Variants in NRG3 observed in about 807,000 individuals in gnomAD.
The protein encoded by NRG3 is pro-neuregulin-3, membrane-bound isoform.
In NRG3, 31 loss-of-function variants were observed where a neutral mutation model predicts 66.9. The observed-to-expected ratio is 0.46, with a 90% CI of 0.35 to 0.63. NRG3 has a LOEUF of 0.63. NRG3 is among the 20% of genes least tolerant of loss of function. The probability of loss-of-function intolerance (pLI) is 0.00; values close to 1 mark genes in which losing one functional copy is unlikely to be tolerated. For synonymous variants in NRG3, 393 were observed against 359.4 expected, an observed-to-expected ratio of 1.09 and a Z score of -1.06; for missense variants, 910 against 878.9, an observed-to-expected ratio of 1.04 and a Z score of -0.45.
At chr10:82,566,577 TA>T (rs2045418986) in intron 2 of NRG3, among the ~76,000 whole-genome samples, 1 of 151,888 alleles carries the variant, frequency 6.6e-6, no homozygotes, top group South Asian at 2.1e-4. Context: ...ATTAATAAAT[TA>T]CCCATTGGGA....
rs747138826 is a variant in NRG3, at chr10:82,299,454, CA to C, written c.824-59283del. ...GAAATCTGGCCAGCAGGCTGTGTTG[CA>C]ACCACTATCCATGAGCACAAAATCC... On this transcript the variant is annotated intron_variant, in intron 1 of 8. Transcript: ENST00000372141. 1.9e-4 allele frequency among the ~76,000 whole-genome samples: 29 copies of C among 152,078 alleles called. 1 individual carries two copies. The East Asian group carries it at 2.5e-3, about 13-fold the overall frequency.
At chr10:82,496,407 A>C (rs1378292940) in intron 2 of NRG3, among the ~76,000 whole-genome samples, 2 of 152,162 alleles carry the variant, frequency 1.3e-5, no homozygotes, top group East Asian at 1.9e-4. Flanking sequence ...GCTTTTCTTT[A>C]TGTACAGTAT....
intron 1 of NRG3, among the ~76,000 whole-genome samples, chr10:82,026,823 C>T (rs1012654377): frequency 9.2e-5 from 14 of 151,890 alleles, no homozygotes; most frequent in African/African-American, 2.4e-4. Flanking sequence ...AGGTTTATTA[C>T]AGAAAACTAG....
rs139764886 is a variant in NRG3 at position 82,038,326 on chromosome 10, G to C, written c.823+162163G>C. On this transcript the variant is annotated intron_variant, in intron 1 of 8. Transcript: ENST00000372141. ...GGATCACATGTTAATAGTACCAACT[G>C]TCCTGAGCCCTTTCCAAACACCAGG... 1.3e-3 allele frequency among the ~76,000 whole-genome samples: 193 copies of C among 152,220 alleles called. 3 individuals are homozygous for C. The highest frequency in any genetic ancestry group is 1.5e-3 in the Non-Finnish European group (104 of 68,008).
chr10:81,953,429 A>G (rs2133211109), intron 1 of NRG3, among the ~76,000 whole-genome samples: 1 of 152,278 alleles, frequency 6.6e-6, no homozygotes, highest in Middle Eastern at 3.4e-3. Flanking sequence ...TCTTTCCTGT[A>G]ATTACTGTGT....
intron 1 of NRG3, among the ~76,000 whole-genome samples, chr10:82,248,755 A>T (rs2077357639): frequency 6.6e-6 from 1 of 152,192 alleles, no homozygotes; most frequent in Non-Finnish European, 1.5e-5. Flanking sequence ...TGCTTCCAGT[A>T]CATTCTGTAC....
intron 2 of NRG3, among the ~76,000 whole-genome samples, chr10:82,732,152 A>C (rs1295350803): frequency 6.6e-6 from 1 of 152,204 alleles, no homozygotes; most frequent in African/African-American, 2.4e-5. Context: ...GTCATAAAAA[A>C]AGAAATGTCA....
intron 3 of NRG3, among the ~76,000 whole-genome samples, chr10:82,833,606 A>C (rs1389308321): frequency 6.6e-6 from 1 of 152,162 alleles, no homozygotes; most frequent in Non-Finnish European, 1.5e-5. Flanking sequence ...CGACCTTCCA[A>C]TACCGATCCC....
At chr10:82,056,088 A>G (rs2207766) in intron 1 of NRG3, among the ~76,000 whole-genome samples, 1 of 152,096 alleles carries the variant, frequency 6.6e-6, no homozygotes, top group East Asian at 1.9e-4. Context: ...TGTGCCTTTT[A>G]AAAAATTTTG....
chr10:81,955,915 G>A (rs184713275), intron 1 of NRG3, among the ~76,000 whole-genome samples: 8 of 152,228 alleles, frequency 5.3e-5, no homozygotes, highest in Non-Finnish European at 1.0e-4. Context: ...TTTATATCCA[G>A]AACAGAATTT....
At chr10:82,822,271 A>G (rs942091963) in intron 3 of NRG3, among the ~76,000 whole-genome samples, 5 of 152,088 alleles carry the variant, frequency 3.3e-5, no homozygotes, top group Non-Finnish European at 7.4e-5. Flanking sequence ...GAGTCCAAAC[A>G]GACCCAGACT....
chr10:82,282,719 C>T (rs1285554940), intron 1 of NRG3, among the ~76,000 whole-genome samples: 1 of 152,050 alleles, frequency 6.6e-6, no homozygotes, highest in African/African-American at 2.4e-5. Context: ...CTGTTAGGAA[C>T]GAGGGAGCAA....
At chr10:82,599,723 A>G (rs1272641740) in intron 2 of NRG3, among the ~76,000 whole-genome samples, 3 of 152,198 alleles carry the variant, frequency 2.0e-5, no homozygotes, top group Non-Finnish European at 4.4e-5. Context: ...AGGCTGAGGC[A>G]TGAGAATCAC....
At chr10:82,621,941 C>T (rs1038259810) in intron 2 of NRG3, among the ~76,000 whole-genome samples, 1 of 152,190 alleles carries the variant, frequency 6.6e-6, no homozygotes, top group South Asian at 2.1e-4. Context: ...GGCAAGGCTT[C>T]ACTTTTCCTA....
intron 4 of NRG3, among the ~76,000 whole-genome samples, chr10:82,950,541 A>G (rs1487576999): frequency 6.6e-6 from 1 of 152,216 alleles, no homozygotes; most frequent in Non-Finnish European, 1.5e-5. Flanking sequence ...GGTATGGAGA[A>G]GGCAGTTTCT....
At chr10:82,260,022 T>C (rs2077941492) in intron 1 of NRG3, among the ~76,000 whole-genome samples, 1 of 152,176 alleles carries the variant, frequency 6.6e-6, no homozygotes, top group African/African-American at 2.4e-5. Flanking sequence ...GTATTTCCTG[T>C]TGCTACAATG....
intron 1 of NRG3, among the ~76,000 whole-genome samples, chr10:81,877,410 G>A (rs762112730): frequency 2.0e-5 from 3 of 152,084 alleles, no homozygotes; most frequent in Non-Finnish European, 4.4e-5. Context: ...TCTTTATATT[G>A]TATTTGTGTT....
chr10:82,720,810 CATATATATATATAT>C lies in NRG3; in HGVS notation c.954-17748_954-17735del, dbSNP rs5786567. ...AACACATATATAGGAGTATTTTATA[CATATATATATATAT>C]ATATATATATATATATATCACCCAT... On this transcript the variant is annotated intron_variant, in intron 2 of 8. Transcript: ENST00000372141. 2.7e-4 allele frequency among the ~76,000 whole-genome samples: 31 copies of C among 114,732 alleles called. 2 individuals are homozygous for C. Among genetic ancestry groups the C allele is most frequent in the African/African-American group, 1.2e-3 (27 of 22,856 alleles). 75.3% of individuals were successfully genotyped at this position (114,732 alleles called of 152,430 possible).
chr10:82,474,803 G>A (rs1473169839), intron 2 of NRG3, among the ~76,000 whole-genome samples: 1 of 152,048 alleles, frequency 6.6e-6, no homozygotes, highest in African/African-American at 2.4e-5. Flanking sequence ...TTCAGAGAGA[G>A]TGTACCTATA....
Sources: allele counts gnomAD v4.1 joint callset (sites outside exome capture counted in the v4.1 genomes callset), GRCh38; gene constraint gnomAD v4.1.1; transcripts MANE v1.5; gene names NCBI Gene and HGNC (gene_info 2026-07-23, HGNC 2026-07-21).